Variants in DIAPH2 observed in about 807,000 individuals in gnomAD.
DIAPH2 encodes diaphanous related formin 2.
In DIAPH2, 35 loss-of-function variants were observed where a neutral mutation model predicts 92.7. The observed-to-expected ratio is 0.38, with a 90% CI of 0.29 to 0.50. DIAPH2 has a LOEUF of 0.50. Among genes scored for constraint, DIAPH2 ranks in the 20% least tolerant of loss-of-function variants. The pLI, the probability that DIAPH2 is intolerant of heterozygous loss-of-function variation, is 0.94. For synonymous variants in DIAPH2, 301 were observed against 280.4 expected (o/e 1.07, Z -0.73); for missense variants, 701 against 819.5 (o/e 0.86, Z 1.77).
intron 26 of DIAPH2, among the ~76,000 whole-genome samples, chrX:97,551,213 G>C (rs1281807138): frequency 9.0e-6 from 1 of 111,141 alleles, no homozygotes; most frequent in East Asian, 2.8e-4. Context: ...CCAAAGCCTG[G>C]CTTCAGGTTT....
intron 26 of DIAPH2, among the ~76,000 whole-genome samples, chrX:97,507,986 G>A (rs2070849696): frequency 9.0e-6 from 1 of 111,018 alleles, no homozygotes; most frequent in Non-Finnish European, 1.9e-5. Flanking sequence ...ACTCATTTCT[G>A]TAACCCATGA....
chrX:96,784,322 C>G (rs1241413328), intron 4 of DIAPH2, among the ~76,000 whole-genome samples: 1 of 111,752 alleles, frequency 8.9e-6, no homozygotes, highest in Non-Finnish European at 1.9e-5. Flanking sequence ...TTATGACCAC[C>G]CTTATGTGTT....
intron 4 of DIAPH2, among the ~76,000 whole-genome samples, chrX:96,821,222 A>C (rs772790002): frequency 8.9e-6 from 1 of 112,553 alleles, no homozygotes; most frequent in African/African-American, 3.2e-5. Flanking sequence ...CCAGCTGCTC[A>C]TAAGCCAAAA....
At chrX:96,803,021 T>C (rs2064595765) in intron 4 of DIAPH2, among the ~76,000 whole-genome samples, 3 of 111,479 alleles carry the variant, frequency 2.7e-5, no homozygotes, top group African/African-American at 9.8e-5. Flanking sequence ...CACCTTCCTC[T>C]GCCTGCTTCT....
At chrX:96,798,769 T>C (rs233663) in intron 4 of DIAPH2, among the ~76,000 whole-genome samples, 46,472 of 110,627 alleles carry the variant, frequency 0.42, 8,381 homozygotes, top group African/African-American at 0.71. Context: ...AAGACTTGTT[T>C]TTAAACTTTG....
intron 3 of DIAPH2, among the ~76,000 whole-genome samples, chrX:96,754,258 ATC>A (rs1363147181): frequency 2.7e-5 from 3 of 111,989 alleles, no homozygotes; most frequent in African/African-American, 9.8e-5. Context: ...TTTCCAAAGA[ATC>A]TGATACATGC....
At chrX:96,922,207 T>C (rs2065550369) in intron 9 of DIAPH2, among the ~76,000 whole-genome samples, 1 of 111,414 alleles carries the variant, frequency 9.0e-6, no homozygotes, top group African/African-American at 3.3e-5. Flanking sequence ...AGTCTGGCTA[T>C]AGATAACGTG....
At chrX:96,721,548 T>A (rs191408604) in intron 1 of DIAPH2, among the ~76,000 whole-genome samples, 1 of 112,430 alleles carries the variant, frequency 8.9e-6, no homozygotes, top group African/African-American at 3.2e-5. Context: ...AGGAGACACA[T>A]GACCTTTGTG....
In DIAPH2 at chrX:96,965,146, C is replaced by T; in HGVS notation, c.1989C>T (p.Asp663=). Residue 663 remains aspartate (D), a synonymous_variant, in exon 17 of 27, where the codon GAC becomes GAT. Transcript: ENST00000324765. ...GTTTCTGGTTAAGAGTCAAAGAAGA[C>T]AAGTTTGAGAATCCAGATCTCTTTG... ...ENCFWLRVKE[D]KFENPDLFAK... is the part of the protein sequence containing the mutation. 8.4e-7 allele frequency: 1 copy of T among 1,196,478 alleles called. No homozygotes were observed. The highest frequency in any genetic ancestry group is 1.8e-5 in the South Asian group (1 of 54,443).
At chrX:96,688,456 T>G (rs1197239973) in intron 1 of DIAPH2, among the ~76,000 whole-genome samples, 1 of 111,744 alleles carries the variant, frequency 8.9e-6, no homozygotes, top group East Asian at 2.8e-4. Flanking sequence ...TGCCTCAGCC[T>G]CCCTAGCAGC....
chrX:97,390,302 C>T (rs1198886232), intron 25 of DIAPH2, among the ~76,000 whole-genome samples: 13 of 89,125 alleles, frequency 1.5e-4, no homozygotes, highest in African/African-American at 5.5e-4. Flanking sequence ...TCGCTACAGT[C>T]TCTGCCTCCC....
intron 26 of DIAPH2, chrX:97,453,848 A>G (rs2070379472): frequency 9.0e-6 from 1 of 111,499 alleles, no homozygotes; most frequent in South Asian, 3.8e-4. Flanking sequence ...GGGAACTTTT[A>G]TATCTGTGTA....
intron 4 of DIAPH2, among the ~76,000 whole-genome samples, chrX:96,818,946 G>A: frequency 8.9e-6 from 1 of 112,625 alleles, no homozygotes; most frequent in Non-Finnish European, 1.9e-5. Context: ...AGATCATCAG[G>A]CATTAGTTAG....
chrX:97,120,820 A>T (rs1393044945), intron 21 of DIAPH2, among the ~76,000 whole-genome samples: 1 of 110,153 alleles, frequency 9.1e-6, no homozygotes, highest in Non-Finnish European at 1.9e-5. Flanking sequence ...TACCAACTAT[A>T]CAAAGGAAAC....
chrX:97,101,939 T>C (rs771733579), intron 20 of DIAPH2, among the ~76,000 whole-genome samples: 16 of 112,419 alleles, frequency 1.4e-4, no homozygotes, highest in Non-Finnish European at 2.6e-4. Context: ...GTTTTGGAAA[T>C]TGTTTAATAG....
At chrX:97,109,157 A>G (rs1435686412) in intron 20 of DIAPH2, among the ~76,000 whole-genome samples, 1 of 111,659 alleles carries the variant, frequency 9.0e-6, no homozygotes, top group Non-Finnish European at 1.9e-5. Context: ...GGTCACTTAC[A>G]TCTGAAATCC....
chrX:97,368,935 C>G (rs923073656), intron 24 of DIAPH2, among the ~76,000 whole-genome samples: 8 of 54,800 alleles, frequency 1.5e-4, no homozygotes. Flanking sequence ...GACGAAGTTT[C>G]GCTCTTGTTG....
intron 21 of DIAPH2, among the ~76,000 whole-genome samples, chrX:97,138,968 G>T (rs2067191445): frequency 9.0e-6 from 1 of 111,156 alleles, no homozygotes; most frequent in East Asian, 2.8e-4. Context: ...ATTTTAATAT[G>T]ATTTCATATT....
chrX:97,323,903 CAAAAAAAAAA>C (rs1052365967), intron 23 of DIAPH2, among the ~76,000 whole-genome samples: 3 of 39,190 alleles, frequency 7.7e-5, no homozygotes, highest in African/African-American at 2.6e-4. Context: ...AACTCTGTCT[CAAAAAAAAAA>C]AAAAAAAAAA....
Sources: allele counts gnomAD v4.1 joint callset (sites outside exome capture counted in the v4.1 genomes callset), GRCh38; gene constraint gnomAD v4.1.1; transcripts MANE v1.5; gene names NCBI Gene and HGNC (gene_info 2026-07-23, HGNC 2026-07-21).